Variants in CACNA2D3 observed in about 807,000 individuals in gnomAD.
CACNA2D3 encodes the protein calcium voltage-gated channel auxiliary subunit alpha2delta 3.
Under a neutral mutation model 160.6 loss-of-function variants are expected in CACNA2D3, and 60 were observed. The ratio of observed to expected loss-of-function variants is 0.37; its 90% confidence interval spans 0.30 to 0.46. CACNA2D3 has a LOEUF of 0.46. CACNA2D3 is among the 20% of genes least tolerant of loss of function. The probability of loss-of-function intolerance (pLI) is 1.00; values close to 1 mark genes in which losing one functional copy is unlikely to be tolerated. For missense variants in CACNA2D3, 1,205 were observed against 1,365.0 expected, an observed-to-expected ratio of 0.88 and a Z score of 1.85; for synonymous variants, 558 against 492.9, an observed-to-expected ratio of 1.13 and a Z score of -1.75.
intron 17 of CACNA2D3, among the ~76,000 whole-genome samples, chr3:54,862,106 G>T (rs1699304033): frequency 6.6e-6 from 1 of 152,160 alleles, no homozygotes; most frequent in Non-Finnish European, 1.5e-5. Context: ...GAACATGGCT[G>T]GGGCTTAGAG....
intron 11 of CACNA2D3, among the ~76,000 whole-genome samples, chr3:54,699,908 C>T (rs988433664): frequency 6.6e-6 from 1 of 152,126 alleles, no homozygotes; most frequent in African/African-American, 2.4e-5. Flanking sequence ...AAATGAATAA[C>T]CCAAACTATG....
rs1362877096 is a variant in CACNA2D3, at chr3:54,822,806, T to C, written c.1398+5936T>C. Among the ~76,000 whole-genome samples the C allele has an allele frequency of 6.4e-4, 72 of 113,070 alleles. 2 individuals are homozygous for C. Among genetic ancestry groups the C allele is most frequent in the African/African-American group, 2.5e-3 (58 of 23,616 alleles). 74.2% of individuals were successfully genotyped at this position (113,070 alleles called of 152,430 possible). A position where few individuals can be genotyped will look rare whatever the true frequency, so the allele number is the denominator to read the frequency against. ...TCTTTCTTTCCTTTCTTTCTTTCTT[T>C]CTTTCTTTCTTTCTTTCTTTCTTTC... On this transcript the variant is annotated intron_variant, in intron 14 of 37. Coordinates refer to ENST00000474759, the MANE Select transcript of CACNA2D3 (RefSeq NM_018398.3).
chr3:54,185,860 G>C (rs958345300), intron 2 of CACNA2D3, among the ~76,000 whole-genome samples: 1 of 152,188 alleles, frequency 6.6e-6, no homozygotes, highest in Non-Finnish European at 1.5e-5. Flanking sequence ...ATTCCCTGCT[G>C]TTCCTCTGGA....
chr3:54,407,048 TATTGTAAACAAGAGCA>T (rs1428749856), intron 4 of CACNA2D3, among the ~76,000 whole-genome samples: 2 of 152,188 alleles, frequency 1.3e-5, no homozygotes, highest in African/African-American at 4.8e-5. Flanking sequence ...GGGAAAACTA[TATTGTAAACAAGAGCA>T]GTGGAAGGGT....
chr3:54,129,875 G>C (rs1699674390), intron 2 of CACNA2D3, among the ~76,000 whole-genome samples: 1 of 152,220 alleles, frequency 6.6e-6, no homozygotes, highest in African/African-American at 2.4e-5. Context: ...GCTCATCACA[G>C]AACGTGCCAG....
intron 17 of CACNA2D3, among the ~76,000 whole-genome samples, chr3:54,868,872 T>A (rs1015321024): frequency 2.0e-5 from 3 of 152,256 alleles, no homozygotes. Flanking sequence ...TCAGGAATCT[T>A]GCTAGCTGAA....
intron 11 of CACNA2D3, among the ~76,000 whole-genome samples, chr3:54,703,104 G>T (rs1013542636): frequency 1.9e-4 from 29 of 152,142 alleles, no homozygotes; most frequent in African/African-American, 6.7e-4. Context: ...GGAGGGTGAG[G>T]ATCACAAAAC....
chr3:54,816,498 G>T (rs1020952113), intron 13 of CACNA2D3, among the ~76,000 whole-genome samples: 5 of 152,092 alleles, frequency 3.3e-5, no homozygotes, highest in Non-Finnish European at 7.3e-5. Context: ...GTTGAAAACT[G>T]CTGGTCAAAG....
At chr3:54,520,380 A>G (rs997731114) in intron 5 of CACNA2D3, among the ~76,000 whole-genome samples, 1 of 152,182 alleles carries the variant, frequency 6.6e-6, no homozygotes, top group African/African-American at 2.4e-5. Context: ...TCACACAGCT[A>G]ATTTCTGGAT....
At chr3:54,705,985 G>A (rs987054738) in intron 11 of CACNA2D3, among the ~76,000 whole-genome samples, 1 of 152,054 alleles carries the variant, frequency 6.6e-6, no homozygotes, top group Non-Finnish European at 1.5e-5. Context: ...GATCTGTTCC[G>A]GCTTCTGTGC....
intron 8 of CACNA2D3, among the ~76,000 whole-genome samples, chr3:54,574,911 C>T (rs1017490175): frequency 1.3e-5 from 2 of 152,228 alleles, no homozygotes; most frequent in Non-Finnish European, 2.9e-5. Context: ...TTCTGATGCC[C>T]TGGTTTTAAT....
At chr3:54,464,852 A>G (rs569590054) in intron 4 of CACNA2D3, among the ~76,000 whole-genome samples, 2 of 151,856 alleles carry the variant, frequency 1.3e-5, no homozygotes, top group Non-Finnish European at 2.9e-5. Context: ...TGCAGAAATC[A>G]CCCCTCTTCT....
At chr3:54,968,595 GC>G in intron 28 of CACNA2D3, 84 bp downstream of exon 28, 2 of 953,290 alleles carry the variant, frequency 2.1e-6, no homozygotes, top group Non-Finnish European at 3.3e-6. Context: ...GCCTGAAAGT[GC>G]CAGATTTCCG....
At chr3:54,674,908 A>G (rs979275063) in intron 11 of CACNA2D3, among the ~76,000 whole-genome samples, 2 of 152,074 alleles carry the variant, frequency 1.3e-5, no homozygotes, top group Middle Eastern at 3.2e-3. Flanking sequence ...ATTGAGAGAG[A>G]TGGTGTTAAG....
At chr3:54,966,423 G>A (rs1406722066) in intron 27 of CACNA2D3, among the ~76,000 whole-genome samples, 1 of 152,234 alleles carries the variant, frequency 6.6e-6, no homozygotes, top group African/African-American at 2.4e-5. Flanking sequence ...TTTGTGTTGT[G>A]TAGTCTGGCC....
At chr3:54,961,334 G>T (rs922549276) in intron 27 of CACNA2D3, among the ~76,000 whole-genome samples, 1 of 152,192 alleles carries the variant, frequency 6.6e-6, no homozygotes, top group African/African-American at 2.4e-5. Flanking sequence ...ATCTGGATGA[G>T]CATTTATCTG....
intron 9 of CACNA2D3, among the ~76,000 whole-genome samples, chr3:54,585,778 G>C (rs1268373108): frequency 6.6e-6 from 1 of 152,072 alleles, no homozygotes; most frequent in African/African-American, 2.4e-5. Context: ...CCTCCCACTG[G>C]GTCCCTCCAA....
Position 54,183,217 on chromosome 3 carries a change from T to TC in CACNA2D3, c.204+59623_204+59624insC, listed in dbSNP as rs1041759528. On this transcript the variant is annotated intron_variant, in intron 2 of 37. Coordinates refer to ENST00000474759, the MANE Select transcript of CACNA2D3 (RefSeq NM_018398.3). ...GAATTGAGGCATAAAGAAAATTTTTTTTTTTTTTTTTTCTATTCAGAAAAT... is the reference window on the plus strand; with the variant it reads ...GAATTGAGGCATAAAGAAAATTTTTTCTTTTTTTTTTTTCTATTCAGAAAAT... Among the ~76,000 whole-genome samples the TC allele has an allele frequency of 1.4e-4, 10 of 73,186 alleles. 1 individual carries two copies. The East Asian group carries it at 0.028, about 203-fold the overall frequency. 48.0% of individuals were successfully genotyped at this position (73,186 alleles called of 152,430 possible).
intron 3 of CACNA2D3, among the ~76,000 whole-genome samples, chr3:54,353,471 A>G (rs1016090789): frequency 2.0e-5 from 3 of 148,670 alleles, no homozygotes; most frequent in African/African-American, 5.0e-5. Context: ...TTTTTTTTTT[A>G]TAAAGGTAAC....
Sources: allele counts gnomAD v4.1 joint callset (sites outside exome capture counted in the v4.1 genomes callset), GRCh38; gene constraint gnomAD v4.1.1; transcripts MANE v1.5; gene names NCBI Gene and HGNC (gene_info 2026-07-23, HGNC 2026-07-21).